Variants in UBE2D1 observed in about 807,000 individuals in gnomAD.
UBE2D1 encodes the protein ubiquitin-conjugating enzyme E2 D1.
UBE2D1 carries 9 observed loss-of-function variants against 24.6 expected under a neutral mutation model. That is an observed-to-expected ratio of 0.37 (90% CI 0.22 to 0.64). The LOEUF (loss-of-function observed/expected upper bound fraction) is 0.64. UBE2D1 is among the 30% of genes least tolerant of loss of function. The pLI is 0.64. For synonymous variants in UBE2D1, 57 were observed against 57.6 expected (o/e 0.99, Z 0.04); for missense variants, 87 against 177.1 (o/e 0.49, Z 2.89).
intron 5 of UBE2D1, among the ~76,000 whole-genome samples, chr10:58,365,792 G>T (rs1840249310): frequency 1.3e-5 from 2 of 152,176 alleles, no homozygotes; most frequent in Admixed American, 1.3e-4. Flanking sequence ...TAAAATTGAA[G>T]AAAATGTTTC....
intron 1 of UBE2D1, among the ~76,000 whole-genome samples, chr10:58,358,845 C>T (rs1330508705): frequency 6.6e-6 from 1 of 151,160 alleles, no homozygotes; most frequent in African/African-American, 2.4e-5. Flanking sequence ...ACTGCAGCCT[C>T]GAACTCCTGG....
intron 1 of UBE2D1, among the ~76,000 whole-genome samples, chr10:58,360,234 T>C (rs980358647): frequency 6.6e-6 from 1 of 152,220 alleles, no homozygotes; most frequent in Non-Finnish European, 1.5e-5. Context: ...AGATTTCAGC[T>C]TAAATGTCAC....
chr10:58,335,994 A>G (rs1027508820), intron 1 of UBE2D1, among the ~76,000 whole-genome samples: 1 of 152,158 alleles, frequency 6.6e-6, no homozygotes, highest in Non-Finnish European at 1.5e-5. Flanking sequence ...TCGCAAATAA[A>G]TTGTTTTGAT....
At chr10:58,363,778 T>C (rs1589003922) in intron 4 of UBE2D1, 92 bp downstream of exon 4, 21 of 870,396 alleles carry the variant, frequency 2.4e-5, no homozygotes, top group African/African-American at 1.4e-4. Flanking sequence ...TCATTTGATA[T>C]GTCAAAGACT....
chr10:58,336,622 C>T (rs1191609235), intron 1 of UBE2D1, among the ~76,000 whole-genome samples: 3 of 152,254 alleles, frequency 2.0e-5, no homozygotes, highest in East Asian at 1.9e-4. Context: ...TTGAAGGTAG[C>T]GCAATTACAC....
chr10:58,346,612 A>G (rs538494964), intron 1 of UBE2D1, among the ~76,000 whole-genome samples: 5 of 152,334 alleles, frequency 3.3e-5, no homozygotes, highest in African/African-American at 1.2e-4. Flanking sequence ...TAAAGGCAAG[A>G]TTAAAAGTCA....
chr10:58,360,552 G>A (rs1589002577), intron 1 of UBE2D1, among the ~76,000 whole-genome samples: 1 of 152,178 alleles, frequency 6.6e-6, no homozygotes, highest in East Asian at 1.9e-4. Flanking sequence ...TTGAGGGCAG[G>A]AAACAGGGTA....
At chr10:58,354,154 T>C (rs1840105892) in intron 1 of UBE2D1, among the ~76,000 whole-genome samples, 1 of 152,172 alleles carries the variant, frequency 6.6e-6, no homozygotes, top group South Asian at 2.1e-4. Flanking sequence ...TCAGTACAGT[T>C]CTTAAAGGTA....
chr10:58,345,115 T>G (rs1365532660), intron 1 of UBE2D1, among the ~76,000 whole-genome samples: 1 of 151,998 alleles, frequency 6.6e-6, no homozygotes, highest in Non-Finnish European at 1.5e-5. Flanking sequence ...TCCACCCGCC[T>G]TGGCCTCCCA....
At position 58,361,321 on chromosome 10, in the gene UBE2D1, T is replaced by C. The variant is rs12250046; in HGVS notation, c.25-17T>C. On this transcript the variant is annotated splice_polypyrimidine_tract_variant and intron_variant, in intron 1 of 6. Transcript: ENST00000373910. The stretch of plus-strand genomic sequence containing the variant: ...GAAAAGAAGGAATTAACCTTACATA[T>C]TTTTGATTTCCTTCAGGAATTGAGT... The C allele has an allele frequency of 0.028, 45,444 of 1,613,566 alleles. 1,512 individuals are homozygous for C. Among genetic ancestry groups the C allele is most frequent in the African/African-American group, 0.15 (11,449 of 74,988 alleles).
chr10:58,343,580 A>G (rs879197988), intron 1 of UBE2D1, among the ~76,000 whole-genome samples: 1 of 152,210 alleles, frequency 6.6e-6, no homozygotes, highest in Non-Finnish European at 1.5e-5. Flanking sequence ...ATATACACAT[A>G]CACAGAGACA....
In UBE2D1 at chr10:58,369,797, T is replaced by C. The variant is rs1840294689; in HGVS notation, c.*1032T>C. Reference sequence around the variant, plus strand: ...TATAAGATAATATATGTTGATCCCTTGCTGTAGAGGAGAATTTAGAGTAAT... The same window carrying C: ...TATAAGATAATATATGTTGATCCCTCGCTGTAGAGGAGAATTTAGAGTAAT... On this transcript the variant is annotated 3_prime_UTR_variant, in exon 7 of 7. Coordinates refer to ENST00000373910, the MANE Select transcript of UBE2D1 (RefSeq NM_003338.5). The C allele has an allele frequency of 1.3e-5, 2 of 152,026 alleles. No individual in the cohort carries two copies. Among genetic ancestry groups the C allele is most frequent in the East Asian group, 1.9e-4 (1 of 5,334 alleles). The allele number at this position is 152,026 out of a possible 1,614,324, so 9.4% of individuals were successfully genotyped here.
intron 1 of UBE2D1, among the ~76,000 whole-genome samples, chr10:58,338,935 C>A (rs2132312603): frequency 6.6e-6 from 1 of 152,246 alleles, no homozygotes; most frequent in Middle Eastern, 3.4e-3. Flanking sequence ...TCAATGTAAT[C>A]TGAAACATAT....
chr10:58,369,912 G>T lies in UBE2D1; in HGVS notation c.*1147G>T, dbSNP rs1840296254. On this transcript the variant is annotated 3_prime_UTR_variant, in exon 7 of 7. Transcript: ENST00000373910. ...GCAGTATCACCCATCCAAAAGAAAG[G>T]TCTTTATAGACCTGCACAGTCACTA... is the stretch of plus-strand genomic sequence containing the variant. 6.6e-6 allele frequency: 1 copy of T among 151,876 alleles called. No individual in the cohort carries two copies. The highest frequency in any genetic ancestry group is 2.4e-5 in the African/African-American group (1 of 41,362). The allele number at this position is 151,876 out of a possible 1,614,324, so 9.4% of individuals were successfully genotyped here. A position where few individuals can be genotyped will look rare whatever the true frequency, so the allele number is the denominator to read the frequency against.
rs938499090 is a variant in UBE2D1 at position 58,353,026 on chromosome 10, A to G, written c.25-8312A>G. On this transcript the variant is annotated intron_variant, in intron 1 of 6. Coordinates refer to ENST00000373910, the MANE Select transcript of UBE2D1 (RefSeq NM_003338.5). ...CTTCTGTAGCTACTTTTAAGTTTCT[A>G]AGAACCTAGAGGACCTCTTTGCTAT... 2.0e-5 allele frequency among the ~76,000 whole-genome samples: 3 copies of G among 152,164 alleles called. No homozygotes were observed. The East Asian group carries it at 5.8e-4, about 29-fold the overall frequency.
At chr10:58,355,873 C>T (rs1840125893) in intron 1 of UBE2D1, among the ~76,000 whole-genome samples, 1 of 152,012 alleles carries the variant, frequency 6.6e-6, no homozygotes, top group Non-Finnish European at 1.5e-5. Context: ...TCACTAATGC[C>T]TTCTTCCTGT....
intron 1 of UBE2D1, chr10:58,360,887 A>C (rs1432946736): frequency 2.3e-6 from 1 of 434,056 alleles, no homozygotes; most frequent in South Asian, 1.6e-5. Flanking sequence ...GTGCCACTGC[A>C]CTCCATCCTG....
intron 1 of UBE2D1, among the ~76,000 whole-genome samples, chr10:58,354,907 C>T (rs1444608097): frequency 1.3e-5 from 2 of 151,954 alleles, no homozygotes; most frequent in Admixed American, 6.6e-5. Flanking sequence ...ATAACAAATC[C>T]ACTGCATTAA....
At chr10:58,337,528 T>A (rs529289994) in intron 1 of UBE2D1, among the ~76,000 whole-genome samples, 2 of 152,312 alleles carry the variant, frequency 1.3e-5, no homozygotes, top group East Asian at 3.9e-4. Flanking sequence ...ACTTTTGGCC[T>A]TTCTTCTTAA....
Sources: gnomAD v4.1 joint callset for allele counts (sites outside exome capture counted in the v4.1 genomes callset) on GRCh38, gnomAD v4.1.1 for gene constraint, MANE v1.5 for transcripts, NCBI Gene and HGNC (gene_info 2026-07-23, HGNC 2026-07-21) for gene names.